Variants in FBN2 observed in about 807,000 individuals in gnomAD.
FBN2 encodes the protein fibrillin-2.
Under a neutral mutation model 355.6 loss-of-function variants are expected in FBN2, and 105 were observed. The observed-to-expected ratio is 0.30, with a 90% CI of 0.25 to 0.35. FBN2 has a LOEUF of 0.35. Among genes scored for constraint, FBN2 ranks in the 10% least tolerant of loss-of-function variants. The pLI is 1.00. For missense variants in FBN2, 3,280 were observed against 3,758.7 expected, an observed-to-expected ratio of 0.87 and a Z score of 3.33; for synonymous variants, 1,350 against 1,301.2, an observed-to-expected ratio of 1.04 and a Z score of -0.81.
intron 25 of FBN2, chr5:128,339,293 G>T: frequency 2.1e-6 from 1 of 486,214 alleles, no homozygotes; most frequent in Non-Finnish European, 3.8e-6. Flanking sequence ...TAAAAATTCT[G>T]AATTGTGTAT....
At chr5:128,501,436 T>C (rs995932090) in intron 5 of FBN2, among the ~76,000 whole-genome samples, 1 of 152,094 alleles carries the variant, frequency 6.6e-6, no homozygotes, top group Non-Finnish European at 1.5e-5. Context: ...GAAAAATTCA[T>C]CTATACCAAA....
chr5:128,294,374 A>G (rs1749434708), intron 48 of FBN2, among the ~76,000 whole-genome samples: 1 of 152,110 alleles, frequency 6.6e-6, no homozygotes, highest in Admixed American at 6.5e-5. Context: ...GGCTGGGTCA[A>G]ATGGTACTTC....
chr5:128,420,164 T>C (rs1031373718), intron 7 of FBN2, among the ~76,000 whole-genome samples: 11 of 152,224 alleles, frequency 7.2e-5, no homozygotes, highest in African/African-American at 2.4e-4. Flanking sequence ...GGAGAGAGTC[T>C]ACCAAGGTGC....
chr5:128,280,927 T>G (rs929291801), intron 55 of FBN2, among the ~76,000 whole-genome samples: 1 of 152,208 alleles, frequency 6.6e-6, no homozygotes. Flanking sequence ...TGTGCTTTTT[T>G]GATATTTTGT....
chr5:128,293,971 A>G (rs1384102354), intron 48 of FBN2, among the ~76,000 whole-genome samples: 5 of 151,716 alleles, frequency 3.3e-5, no homozygotes, highest in African/African-American at 1.2e-4. Context: ...ATATCTCCCA[A>G]TGCTATCCCT....
intron 7 of FBN2, chr5:128,442,490 G>A (rs887997587): frequency 1.3e-4 from 43 of 329,776 alleles, no homozygotes; most frequent in African/African-American, 9.1e-4. Flanking sequence ...AAATTAAATG[G>A]ATATTTAAAT....
intron 5 of FBN2, among the ~76,000 whole-genome samples, chr5:128,501,350 G>T (rs1755803805): frequency 6.6e-6 from 1 of 152,136 alleles, no homozygotes; most frequent in Non-Finnish European, 1.5e-5. Flanking sequence ...AGAACATAAT[G>T]CACTTGAAAT....
intron 7 of FBN2, among the ~76,000 whole-genome samples, chr5:128,415,249 C>G (rs1029188239): frequency 3.3e-5 from 5 of 152,072 alleles, no homozygotes; most frequent in Admixed American, 3.3e-4. Context: ...ATATAAAATA[C>G]CTTGTTGTTA....
At chr5:128,500,611 A>T (rs572973783) in intron 5 of FBN2, among the ~76,000 whole-genome samples, 160 of 151,404 alleles carry the variant, frequency 1.1e-3, no homozygotes, top group Middle Eastern at 3.4e-3. Flanking sequence ...CACCCGGCTA[A>T]TTTTTTGTAT....
intron 7 of FBN2, among the ~76,000 whole-genome samples, chr5:128,432,549 G>C (rs1048751477): frequency 6.6e-6 from 1 of 152,136 alleles, no homozygotes; most frequent in Non-Finnish European, 1.5e-5. Context: ...GACCTGCAAA[G>C]CCTACAATAT....
intron 5 of FBN2, among the ~76,000 whole-genome samples, chr5:128,486,870 G>GT (rs1755351928): frequency 6.6e-6 from 1 of 151,952 alleles, no homozygotes; most frequent in African/African-American, 2.4e-5. Context: ...GCAGTGTTTG[G>GT]TTTTCTGTCC....
At chr5:128,330,906 G>A (rs1750674895) in intron 32 of FBN2, among the ~76,000 whole-genome samples, 1 of 152,144 alleles carries the variant, frequency 6.6e-6, no homozygotes, top group African/African-American at 2.4e-5. Flanking sequence ...AGCAATTTGT[G>A]AGATATCTAG....
intron 59 of FBN2, among the ~76,000 whole-genome samples, chr5:128,275,472 T>A (rs959569610): frequency 6.6e-6 from 1 of 150,874 alleles, no homozygotes; most frequent in African/African-American, 2.4e-5. Flanking sequence ...GCCTTGGAAA[T>A]AAAACCTCAT....
intron 7 of FBN2, chr5:128,442,035 T>C (rs1197180409): frequency 4.9e-6 from 1 of 203,796 alleles, no homozygotes; most frequent in Non-Finnish European, 1.0e-5. Context: ...TTCCATGGTT[T>C]ATCTAAGCAG....
At chr5:128,498,821 A>C (rs1246081356) in intron 5 of FBN2, among the ~76,000 whole-genome samples, 6 of 152,196 alleles carry the variant, frequency 3.9e-5, no homozygotes, top group Admixed American at 3.9e-4. Context: ...ATAATCTACA[A>C]ATCTATAATG....
chr5:128,377,920 C>T (rs777865655), intron 12 of FBN2, 43 bp from the exon 13 acceptor site: 9 of 1,555,650 alleles, frequency 5.8e-6, no homozygotes, highest in Middle Eastern at 1.7e-4. Context: ...TTTTACAATA[C>T]TTATAGATAA....
intron 52 of FBN2, 80 bp downstream of exon 52, chr5:128,289,047 A>G (rs796438009): frequency 2.1e-6 from 3 of 1,449,594 alleles, no homozygotes; most frequent in Admixed American, 1.7e-5. Flanking sequence ...CCCATCACCC[A>G]GGGTACCTGA....
chr5:128,537,034 C>A (rs1365955417), intron 1 of FBN2, among the ~76,000 whole-genome samples: 2 of 152,030 alleles, frequency 1.3e-5, no homozygotes, highest in African/African-American at 4.8e-5. Flanking sequence ...CGGACCCAGG[C>A]CCGCCTGCCG....
intron 4 of FBN2, among the ~76,000 whole-genome samples, chr5:128,523,176 T>C (rs1293237332): frequency 6.6e-6 from 1 of 152,198 alleles, no homozygotes; most frequent in African/African-American, 2.4e-5. Context: ...GAAATCATGA[T>C]TGTAATTTCT....
Sources: allele counts gnomAD v4.1 joint callset (sites outside exome capture counted in the v4.1 genomes callset), GRCh38; gene constraint gnomAD v4.1.1; transcripts MANE v1.5; gene names NCBI Gene and HGNC (gene_info 2026-07-23, HGNC 2026-07-21).